SUSD6: variants seen among roughly 807,000 people sequenced by gnomAD.
The protein encoded by SUSD6 is sushi domain containing 6, also known as sushi domain-containing protein 6.
A neutral mutation model predicts 28.4 loss-of-function variants in SUSD6; 16 were observed. The ratio of observed to expected loss-of-function variants is 0.56; its 90% CI spans 0.38 to 0.86. The LOEUF (loss-of-function observed/expected upper bound fraction) is 0.86, where lower values mean the gene tolerates loss of function less well. SUSD6 is among the 40% of genes least tolerant of loss of function. SUSD6 has a pLI of 0.00. For synonymous variants in SUSD6, 147 were observed against 159.6 expected (o/e 0.92, Z 0.59); for missense variants, 341 against 384.2 (o/e 0.89, Z 0.94).
chr14:69,653,708 C>T (rs1350265091), intron 1 of SUSD6, among the ~76,000 whole-genome samples: 2 of 145,932 alleles, frequency 1.4e-5, no homozygotes, highest in Admixed American at 1.4e-4. Context: ...AAAGTTTTAG[C>T]CTCAGTATTT....
chr14:69,693,033 C>A (rs573652476), intron 2 of SUSD6, among the ~76,000 whole-genome samples: 1 of 152,328 alleles, frequency 6.6e-6, no homozygotes, highest in Non-Finnish European at 1.5e-5. Flanking sequence ...CTTTAACTGC[C>A]ACTGTCAAGG....
chr14:69,666,017 T>C (rs902372049), intron 2 of SUSD6, among the ~76,000 whole-genome samples: 6 of 152,254 alleles, frequency 3.9e-5, no homozygotes, highest in Non-Finnish European at 7.3e-5. Context: ...CTAGCACCAA[T>C]TGATATCATT....
At chr14:69,642,693 G>A (rs1885371271) in intron 1 of SUSD6, among the ~76,000 whole-genome samples, 1 of 147,482 alleles carries the variant, frequency 6.8e-6, no homozygotes, top group Non-Finnish European at 1.5e-5. Flanking sequence ...GAGAATTCTG[G>A]GCGATACAAT....
intron 2 of SUSD6, among the ~76,000 whole-genome samples, chr14:69,692,670 C>A (rs1363616634): frequency 6.6e-6 from 1 of 152,122 alleles, no homozygotes; most frequent in Non-Finnish European, 1.5e-5. Context: ...TGAGGCCCTG[C>A]TGTGTATGCC....
chr14:69,656,454 A>G (rs1455539297), intron 1 of SUSD6, among the ~76,000 whole-genome samples: 1 of 152,208 alleles, frequency 6.6e-6, no homozygotes, highest in Admixed American at 6.5e-5. Flanking sequence ...AGCAATACCA[A>G]AGGGCCCATT....
rs892759515 is a variant in SUSD6, at chr14:69,710,976, A to G, written c.909A>G (p.Ala303=). The G allele has an allele frequency of 6.8e-6, 11 of 1,614,106 alleles. No homozygotes were observed. Among genetic ancestry groups the G allele is most frequent in the African/African-American group, 1.3e-5 (1 of 75,046 alleles). ...CAGATATTCCACTGTTGAAAGAAGC[A>G]TGAGGGCAGCGGCCAGCCTTTCCTC... ...YTDDIPLLKE[A] Residue 303 remains alanine, a synonymous_variant, in exon 6 of 6, where the codon GCA becomes GCG. Coordinates refer to ENST00000342745, the MANE Select transcript of SUSD6 (RefSeq NM_014734.4).
intron 2 of SUSD6, among the ~76,000 whole-genome samples, chr14:69,680,440 G>A (rs984812933): frequency 2.0e-5 from 3 of 152,154 alleles, no homozygotes; most frequent in African/African-American, 2.4e-5. Context: ...CGTGTCTCCA[G>A]TGTCTTTCTC....
chr14:69,671,053 A>C (rs1885824401), intron 2 of SUSD6, among the ~76,000 whole-genome samples: 1 of 152,204 alleles, frequency 6.6e-6, no homozygotes, highest in Admixed American at 6.5e-5. Context: ...GCACACCAAA[A>C]GCACAGTTTG....
chr14:69,669,997 T>C (rs1262003148), intron 2 of SUSD6, among the ~76,000 whole-genome samples: 1 of 152,256 alleles, frequency 6.6e-6, no homozygotes, highest in African/African-American at 2.4e-5. Flanking sequence ...CCTTTTGTTC[T>C]GTACATCATG....
chr14:69,687,681 G>A (rs2044544570), intron 2 of SUSD6, among the ~76,000 whole-genome samples: 1 of 152,144 alleles, frequency 6.6e-6, no homozygotes, highest in African/African-American at 2.4e-5. Flanking sequence ...TATTATAATA[G>A]AGAAAAATCT....
At chr14:69,651,819 G>T (rs1004751792) in intron 1 of SUSD6, among the ~76,000 whole-genome samples, 1 of 152,144 alleles carries the variant, frequency 6.6e-6, no homozygotes, top group African/African-American at 2.4e-5. Flanking sequence ...AAGAAAGAGA[G>T]GTTAAGGAAG....
chr14:69,705,533 A>C (rs1566608349), intron 4 of SUSD6, among the ~76,000 whole-genome samples: 1 of 152,130 alleles, frequency 6.6e-6, no homozygotes, highest in Non-Finnish European at 1.5e-5. Context: ...TTTGTGAGCC[A>C]CTATCCTGCA....
chr14:69,680,419 T>C (rs1885981555), intron 2 of SUSD6, among the ~76,000 whole-genome samples: 1 of 152,198 alleles, frequency 6.6e-6, no homozygotes, highest in Non-Finnish European at 1.5e-5. Flanking sequence ...CACCAGGCTC[T>C]TACTGGTTTC....
intron 1 of SUSD6, among the ~76,000 whole-genome samples, chr14:69,644,663 T>C (rs1038645296): frequency 6.6e-6 from 1 of 152,134 alleles, no homozygotes; most frequent in South Asian, 2.1e-4. Flanking sequence ...AAATTAATTA[T>C]TTCTCAGGAC....
chr14:69,694,837 G>A (rs532346209), intron 2 of SUSD6, among the ~76,000 whole-genome samples: 8 of 152,268 alleles, frequency 5.3e-5, no homozygotes, highest in African/African-American at 1.2e-4. Context: ...GGACAGGTCC[G>A]AGGCCTGTCC....
At chr14:69,679,622 G>A (rs1885968818) in intron 2 of SUSD6, among the ~76,000 whole-genome samples, 1 of 150,438 alleles carries the variant, frequency 6.6e-6, no homozygotes, top group South Asian at 2.1e-4. Context: ...TAGTGTTAGT[G>A]TATTTTATGT....
chr14:69,633,007 C>T (rs571732494), intron 1 of SUSD6, among the ~76,000 whole-genome samples: 93 of 152,288 alleles, frequency 6.1e-4, no homozygotes, highest in African/African-American at 1.7e-3. Context: ...TTCTCCTCTC[C>T]GGTGAGACTA....
In SUSD6 at chr14:69,632,142, A is replaced by G. The variant is rs144040761; in HGVS notation, c.-81+20314A>G. 4.2e-3 allele frequency among the ~76,000 whole-genome samples: 645 copies of G among 152,346 alleles called. 4 individuals are homozygous for G. Among genetic ancestry groups the G allele is most frequent in the Non-Finnish European group, 7.4e-3 (505 of 68,026 alleles). ...AAAGTTTTAAGACATGACAAATTAT[A>G]CTTCTTTTTGGAAGAAAGATTAGGA... On this transcript the variant is annotated intron_variant, in intron 1 of 5. Transcript: ENST00000342745.
chr14:69,678,838 TG>T (rs1885955876), intron 2 of SUSD6, among the ~76,000 whole-genome samples: 1 of 152,080 alleles, frequency 6.6e-6, no homozygotes, highest in Admixed American at 6.5e-5. Flanking sequence ...GAAAAGAAGT[TG>T]TTAAAAAAAC....
Sources: allele counts gnomAD v4.1 joint callset (sites outside exome capture counted in the v4.1 genomes callset), GRCh38; gene constraint gnomAD v4.1.1; transcripts MANE v1.5; gene names NCBI Gene and HGNC (gene_info 2026-07-23, HGNC 2026-07-21).